The following VIRMA variants were observed in gnomAD, a reference collection of about 807,000 sequenced individuals.
The protein encoded by VIRMA is vir like m6A methyltransferase associated.
Under a neutral mutation model 182.4 loss-of-function variants are expected in VIRMA, and 65 were observed. The ratio of observed to expected loss-of-function variants is 0.36; its 90% CI spans 0.29 to 0.44. VIRMA has a LOEUF of 0.44. Ranked by LOEUF, VIRMA falls within the 20% of genes least tolerant of loss-of-function variation. The probability of loss-of-function intolerance (pLI) is 1.00; values close to 1 mark genes in which losing one functional copy is unlikely to be tolerated. For missense variants in VIRMA, 1,752 were observed against 2,158.1 expected (o/e 0.81, Z 3.73); for synonymous variants, 709 against 743.1 (o/e 0.95, Z 0.75).
intron 20 of VIRMA, among the ~76,000 whole-genome samples, 173 bp downstream of exon 20, chr8:94,494,687 G>GA (rs1813713248): frequency 6.8e-6 from 1 of 146,782 alleles, no homozygotes; most frequent in Non-Finnish European, 1.5e-5. Context: ...AAAAGCAGGA[G>GA]AAAAAACTTT....
rs532874541 is a variant in VIRMA at position 94,519,230 on chromosome 8, T to C, written c.2268A>G (p.Ala756=). Reference sequence around the variant, plus strand: ...TTGAGTCCTGTAGCCACAAGGCAAATGCATCATCAATAACACCATCAGATT... The same window carrying C: ...TTGAGTCCTGTAGCCACAAGGCAAACGCATCATCAATAACACCATCAGATT... The part of the protein sequence containing the change: ...GLQSDGVIDD[A]FALWLQDSTQ... Residue 756 remains alanine, a synonymous_variant, in exon 9 of 24, where the codon GCA becomes GCG. Coordinates refer to ENST00000297591, the MANE Select transcript of VIRMA (RefSeq NM_015496.5). The C allele has an allele frequency of 1.9e-4, 312 of 1,614,146 alleles. 5 individuals are homozygous for C. In the South Asian group the frequency reaches 3.0e-3, roughly 15 times the overall value.
At chr8:94,509,018 T>TA (rs1814260600) in intron 15 of VIRMA, among the ~76,000 whole-genome samples, 1 of 152,198 alleles carries the variant, frequency 6.6e-6, no homozygotes, top group African/African-American at 2.4e-5. Flanking sequence ...ATAAGCAAAG[T>TA]AGTCTGAAAC....
chr8:94,501,271 A>AC (rs1563458492), intron 16 of VIRMA, among the ~76,000 whole-genome samples: 1 of 148,882 alleles, frequency 6.7e-6, no homozygotes, highest in Non-Finnish European at 1.5e-5. Flanking sequence ...AAAAAAAAAA[A>AC]AAAAAACAAC....
At chr8:94,537,042 A>C in intron 4 of VIRMA, 61 bp downstream of exon 4, 2 of 1,094,774 alleles carry the variant, frequency 1.8e-6, no homozygotes, top group Non-Finnish European at 2.8e-6. Context: ...TGGATCAAAA[A>C]CTTTAAATGG....
chr8:94,537,817 T>C (rs1162206542), intron 3 of VIRMA, among the ~76,000 whole-genome samples: 1 of 151,976 alleles, frequency 6.6e-6, no homozygotes, highest in Non-Finnish European at 1.5e-5. Flanking sequence ...TAGCATGTAC[T>C]AAATAATCAA....
chr8:94,536,555 T>C (rs1401432390), intron 4 of VIRMA, among the ~76,000 whole-genome samples: 2 of 152,236 alleles, frequency 1.3e-5, no homozygotes, highest in African/African-American at 4.8e-5. Context: ...AAATGAAAGA[T>C]GGTAAAGCAC....
rs779033259 is a variant in VIRMA, at chr8:94,488,784, G to A, written c.5361C>T (p.Ser1787=). 43 of 1,614,012 alleles carry A rather than the reference G, an allele frequency of 2.7e-5. No individual in the cohort carries two copies. The highest frequency in any genetic ancestry group is 1.6e-4 in the Middle Eastern group (1 of 6,084). ...ACTTTCCTCTTGAGCCTCCACTGCC[G>A]CTATTTGCACTAGCCCAGGAAGGTC... ...GLGPSWASAN[S]GSGGSRGKFV... The change falls in exon 24 of 24, where the codon AGC becomes AGT. Residue 1787 remains serine, a synonymous_variant. Coordinates refer to ENST00000297591, the MANE Select transcript of VIRMA (RefSeq NM_015496.5).
intron 15 of VIRMA, among the ~76,000 whole-genome samples, chr8:94,507,561 C>A (rs1314606468): frequency 6.6e-6 from 1 of 151,904 alleles, no homozygotes; most frequent in Non-Finnish European, 1.5e-5. Context: ...TCAAGACGAG[C>A]CTGGCCAACA....
In VIRMA at chr8:94,509,668, T is replaced by C. The variant is rs764857994; in HGVS notation, c.3879+20A>G. The stretch of plus-strand genomic sequence containing the variant: ...CACATACACATGCAGAGAGAGACTT[T>C]ATAAAATAACTATAAATACCTGATC... On this transcript the variant is annotated intron_variant, in intron 15 of 23. Transcript: ENST00000297591. 2 of 1,596,186 alleles carry C rather than the reference T, an allele frequency of 1.3e-6. No individual in the cohort carries two copies. Among genetic ancestry groups the C allele is most frequent in the South Asian group, 1.1e-5 (1 of 87,738 alleles).
Position 94,511,200 on chromosome 8 carries a change from G to A in VIRMA, c.3375C>T (p.Pro1125=), listed in dbSNP as rs368199465. 11 of 1,613,722 alleles carry A rather than the reference G, an allele frequency of 6.8e-6. No individual in the cohort carries two copies. In the African/African-American group the frequency reaches 1.3e-4, roughly 20 times the overall value. The part of the protein sequence containing the change: ...LLSELLPLPL[P]MQTTQVIEPH... ...GAAGTGATACCTGAGTTGTTTGCATGGGCAATGGAAGAGGCAGCAGCTCTG... is the reference window on the plus strand; with the variant it reads ...GAAGTGATACCTGAGTTGTTTGCATAGGCAATGGAAGAGGCAGCAGCTCTG... The change falls in exon 13 of 24, where the codon CCC becomes CCT. Residue 1125 remains proline, a synonymous_variant. Coordinates refer to ENST00000297591, the MANE Select transcript of VIRMA (RefSeq NM_015496.5).
At chr8:94,529,468 G>T in intron 6 of VIRMA, 126 bp from the exon 7 acceptor site, 1 of 610,574 alleles carries the variant, frequency 1.6e-6, no homozygotes, top group Middle Eastern at 4.4e-4. Flanking sequence ...TAAAAAAAAA[G>T]AATTACTCAC....
chr8:94,514,742 A>T, intron 11 of VIRMA, 127 bp downstream of exon 11: 2 of 555,398 alleles, frequency 3.6e-6, no homozygotes, highest in South Asian at 6.7e-5. Context: ...GTACCTACAA[A>T]GTCTAATAAA....
chr8:94,542,457 C>T (rs916454998), intron 2 of VIRMA, among the ~76,000 whole-genome samples: 6 of 152,172 alleles, frequency 3.9e-5, no homozygotes, highest in Admixed American at 3.3e-4. Flanking sequence ...GCCAGCTAAG[C>T]GACTCCCAGA....
chr8:94,491,426 T>C, intron 22 of VIRMA, 152 bp downstream of exon 22: 2 of 668,892 alleles, frequency 3.0e-6, no homozygotes, highest in Non-Finnish European at 2.5e-6. Context: ...TCCAATAGAG[T>C]ACTCTGCAAA....
At chr8:94,495,947 C>T (rs1813759798) in intron 18 of VIRMA, 56 bp from the exon 19 acceptor site, 1 of 1,461,006 alleles carries the variant, frequency 6.8e-7, no homozygotes, top group Non-Finnish European at 9.3e-7. Flanking sequence ...TGTCTGTAAA[C>T]CTACTGACTC....
At chr8:94,499,650 T>C (rs1033321932) in intron 16 of VIRMA, 144 bp from the exon 17 acceptor site, 1 of 503,868 alleles carries the variant, frequency 2.0e-6, no homozygotes, top group Non-Finnish European at 3.3e-6. Flanking sequence ...TGTGTCTTTG[T>C]ACACAAATAT....
chr8:94,503,570 T>G (rs900571956), intron 16 of VIRMA, among the ~76,000 whole-genome samples: 4 of 152,166 alleles, frequency 2.6e-5, no homozygotes, highest in Non-Finnish European at 5.9e-5. Flanking sequence ...CAATGTAAGA[T>G]CTTACATTGG....
At chr8:94,495,025 A>G (rs970632768) in intron 19 of VIRMA, 69 bp from the exon 20 acceptor site, 2 of 1,051,232 alleles carry the variant, frequency 1.9e-6, no homozygotes, top group Non-Finnish European at 3.0e-6. Context: ...TTTTTTTGAG[A>G]CACAGTCTTG....
intron 2 of VIRMA, among the ~76,000 whole-genome samples, chr8:94,540,461 CTTTTTTTT>C (rs963429701): frequency 1.6e-5 from 2 of 128,632 alleles, no homozygotes; most frequent in Non-Finnish European, 3.4e-5. Flanking sequence ...TTCTTCTTTT[CTTTTTTTT>C]TTTTTTTTTT....
Sources: gnomAD v4.1 joint callset for allele counts (sites outside exome capture counted in the v4.1 genomes callset) on GRCh38, gnomAD v4.1.1 for gene constraint, MANE v1.5 for transcripts, NCBI Gene and HGNC (gene_info 2026-07-23, HGNC 2026-07-21) for gene names.